The following PIK3CA variants were observed in gnomAD, a reference collection of about 807,000 sequenced individuals.
PIK3CA encodes the protein phosphatidylinositol 4,5-bisphosphate 3-kinase catalytic subunit alpha isoform.
Under a neutral mutation model 138.2 loss-of-function variants are expected in PIK3CA, and 27 were observed. That is an observed-to-expected ratio of 0.20 (90% confidence interval 0.14 to 0.27). The LOEUF (loss-of-function observed/expected upper bound fraction) is 0.27, where lower values mean the gene tolerates loss of function less well. PIK3CA is among the 10% of genes least tolerant of loss of function. The probability of loss-of-function intolerance (pLI) is 1.00; values close to 1 mark genes in which losing one functional copy is unlikely to be tolerated. For synonymous variants in PIK3CA, 358 were observed against 413.2 expected (o/e 0.87, Z 1.62); for missense variants, 544 against 1,277.4 (o/e 0.43, Z 8.75).
At chr3:179,200,563 C>T (rs901473669) in intron 3 of PIK3CA, among the ~76,000 whole-genome samples, 6 of 152,054 alleles carry the variant, frequency 3.9e-5, no homozygotes, top group Admixed American at 3.3e-4. Flanking sequence ...TATTACTATT[C>T]GTATTTTTCA....
rs1021128748 is a variant in PIK3CA, at chr3:179,238,718, C to T, written c.*4354C>T. The stretch of plus-strand genomic sequence containing the variant: ...TTCGGCATTTGAAATTCATTTTGTT[C>T]TCTCTTCTTCATTATTAGTGCATTT... On this transcript the variant is annotated 3_prime_UTR_variant, in exon 21 of 21. Transcript: ENST00000263967. The T allele has an allele frequency of 4.4e-6, 1 of 226,962 alleles. No individual in the cohort carries two copies. The highest frequency in any genetic ancestry group is 2.2e-5 in the African/African-American group (1 of 44,998). The allele number at this position is 226,962 out of a possible 1,614,324, so 14.1% of individuals were successfully genotyped here.
intron 1 of PIK3CA, among the ~76,000 whole-genome samples, chr3:179,155,304 A>G (rs1249643677): frequency 2.6e-5 from 4 of 152,254 alleles, no homozygotes; most frequent in Non-Finnish European, 5.9e-5. Flanking sequence ...TCTTTGTGAC[A>G]TAGAATCATA....
rs913694801 is a variant in PIK3CA at position 179,230,204 on chromosome 3, A to T, written c.2785-21A>T. Reference sequence around the variant, plus strand: ...GTATCTGCATATATCAAACTATAACATAATTTCTTATTTTTGAAAGCTGTT... The same window carrying T: ...GTATCTGCATATATCAAACTATAACTTAATTTCTTATTTTTGAAAGCTGTT... On this transcript the variant is annotated intron_variant, in intron 19 of 20. Transcript: ENST00000263967. The surrounding 1 kb of genome is among the most constrained non-coding windows in gnomAD (Gnocchi z 5.4). The T allele has an allele frequency of 6.3e-6, 10 of 1,587,584 alleles. No homozygotes were observed. Among genetic ancestry groups the T allele is most frequent in the Admixed American group, 3.5e-5 (2 of 57,560 alleles).
At chr3:179,233,892 A>G (rs1396211673) in intron 20 of PIK3CA, among the ~76,000 whole-genome samples, 1 of 152,188 alleles carries the variant, frequency 6.6e-6, no homozygotes, top group Non-Finnish European at 1.5e-5. Flanking sequence ...GCAGTTTTTA[A>G]AAAGTCCTTA....
chr3:179,170,347 A>G (rs920691038), intron 1 of PIK3CA, among the ~76,000 whole-genome samples: 48 of 152,292 alleles, frequency 3.2e-4, no homozygotes, highest in African/African-American at 1.1e-3. Context: ...ACTCACTCAC[A>G]TTCTCCCCAA....
intron 1 of PIK3CA, among the ~76,000 whole-genome samples, chr3:179,188,721 ACT>A (rs1724053098): frequency 6.6e-6 from 1 of 151,986 alleles, no homozygotes; most frequent in African/African-American, 2.4e-5. Flanking sequence ...TTAGTAGAAA[ACT>A]CTTTATCACT....
intron 1 of PIK3CA, among the ~76,000 whole-genome samples, chr3:179,187,707 G>T (rs1340333619): frequency 6.6e-6 from 1 of 150,752 alleles, no homozygotes; most frequent in Non-Finnish European, 1.5e-5. Context: ...GCACCATCTC[G>T]GCTCACTGCA....
chr3:179,187,220 T>A (rs1404200215), intron 1 of PIK3CA, among the ~76,000 whole-genome samples: 4 of 151,892 alleles, frequency 2.6e-5, no homozygotes, highest in African/African-American at 9.7e-5. Context: ...ACACATGCAT[T>A]TAGATAACAT....
chr3:179,233,771 C>G (rs1200958821), intron 20 of PIK3CA, among the ~76,000 whole-genome samples: 1 of 152,190 alleles, frequency 6.6e-6, no homozygotes, highest in Non-Finnish European at 1.5e-5. Flanking sequence ...GTCTACAACA[C>G]AGTCCTGACT....
chr3:179,150,017 T>G (rs1238415939), intron 1 of PIK3CA, among the ~76,000 whole-genome samples: 1 of 148,700 alleles, frequency 6.7e-6, no homozygotes, highest in Non-Finnish European at 1.5e-5. Context: ...TTTTTGGTGT[T>G]TTTTTTTTTT....
At chr3:179,171,816 A>G (rs1576919147) in intron 1 of PIK3CA, among the ~76,000 whole-genome samples, 1 of 152,096 alleles carries the variant, frequency 6.6e-6, no homozygotes, top group Non-Finnish European at 1.5e-5. Context: ...CCAAAGGAAG[A>G]AAAAAATACA....
chr3:179,207,967 T>C (rs1488655173), intron 6 of PIK3CA, among the ~76,000 whole-genome samples: 1 of 152,158 alleles, frequency 6.6e-6, no homozygotes, highest in Non-Finnish European at 1.5e-5. Context: ...AGAGGATCAC[T>C]TGAGCCCAGG....
rs552533767 is a variant in PIK3CA, at chr3:179,173,472, G to A, written c.-77+24869G>A. 2.0e-3 allele frequency among the ~76,000 whole-genome samples: 295 copies of A among 150,494 alleles called. 1 individual carries two copies. The highest frequency in any genetic ancestry group is 6.4e-3 in the African/African-American group (261 of 40,934). ...CGGGCGCCTGTAGTCCCAGCTACTC[G>A]GGAGGCTGAGGCAGGGGAATGGCAG... On this transcript the variant is annotated intron_variant, in intron 1 of 20. Transcript: ENST00000263967.
chr3:179,151,955 G>A (rs2108347638), intron 1 of PIK3CA, among the ~76,000 whole-genome samples: 1 of 152,330 alleles, frequency 6.6e-6, no homozygotes, highest in South Asian at 2.1e-4. Context: ...CTACCAGGCT[G>A]TAAATTCCAT....
intron 6 of PIK3CA, among the ~76,000 whole-genome samples, chr3:179,207,036 C>G (rs745603798): frequency 6.6e-6 from 1 of 151,734 alleles, no homozygotes; most frequent in Non-Finnish European, 1.5e-5. Flanking sequence ...ATTCTGTAGT[C>G]TAAAAGGTGA....
chr3:179,233,985 T>A (rs1220998322), intron 20 of PIK3CA, 109 bp from the exon 21 acceptor site: 2 of 700,040 alleles, frequency 2.9e-6, no homozygotes, highest in African/African-American at 3.6e-5. Flanking sequence ...GCTATTTTTT[T>A]ATAGCTTTGT....
chr3:179,197,042 T>C (rs941293510), intron 1 of PIK3CA, among the ~76,000 whole-genome samples: 1 of 152,128 alleles, frequency 6.6e-6, no homozygotes, highest in East Asian at 1.9e-4. Context: ...CTTATCTTTT[T>C]TTTTTCTTTG....
chr3:179,207,358 G>A (rs1180322200), intron 6 of PIK3CA, among the ~76,000 whole-genome samples: 2 of 152,100 alleles, frequency 1.3e-5, no homozygotes, highest in African/African-American at 2.4e-5. Context: ...TGTGTGTTGT[G>A]GGATGGATGG....
intron 10 of PIK3CA, among the ~76,000 whole-genome samples, 190 bp downstream of exon 10, chr3:179,218,524 A>G (rs1724894456): frequency 6.6e-6 from 1 of 152,072 alleles, no homozygotes; most frequent in South Asian, 2.1e-4. Flanking sequence ...GGAAAATCAT[A>G]CTACATTGGT....
Sources: allele counts gnomAD v4.1 joint callset (sites outside exome capture counted in the v4.1 genomes callset), GRCh38; gene constraint gnomAD v4.1.1; non-coding constraint Gnocchi (gnomAD v3.1); transcripts MANE v1.5; gene names NCBI Gene and HGNC (gene_info 2026-07-23, HGNC 2026-07-21).